CDH22: variants seen among roughly 807,000 people sequenced by gnomAD.
CDH22 encodes cadherin-22.
A neutral mutation model predicts 58.4 loss-of-function variants in CDH22; 30 were observed. The ratio of observed to expected loss-of-function variants is 0.51; its 90% confidence interval spans 0.38 to 0.70. CDH22 has a LOEUF of 0.70. CDH22 is among the 30% of genes least tolerant of loss of function. CDH22 has a pLI of 0.00. For missense variants in CDH22, 1,014 were observed against 1,233.9 expected, an observed-to-expected ratio of 0.82 and a Z score of 2.67; for synonymous variants, 513 against 558.2, an observed-to-expected ratio of 0.92 and a Z score of 1.14.
intron 4 of CDH22, 143 bp from the exon 5 acceptor site, chr20:46,217,136 C>A (rs1398014733): frequency 2.9e-6 from 2 of 699,148 alleles, no homozygotes; most frequent in African/African-American, 1.8e-5. Context: ...AGGACATCCA[C>A]GTGTCCACCA....
In CDH22 at chr20:46,213,265, AG is replaced by A. The variant is rs2086058167; in HGVS notation, c.839-78del. Reference sequence around the variant, plus strand: ...TCTGCCAGCAGTGGGGGAGGGGACAAGGGGGCCCAGGTGAGCCTCTATGGAG... The same window carrying A: ...TCTGCCAGCAGTGGGGGAGGGGACAAGGGGCCCAGGTGAGCCTCTATGGAG... On this transcript the variant is annotated intron_variant, in intron 5 of 11. Coordinates refer to ENST00000537909, the MANE Select transcript of CDH22 (RefSeq NM_021248.3). The A allele has an allele frequency of 9.6e-6, 10 of 1,040,624 alleles. No individual in the cohort carries two copies. The South Asian group carries it at 1.1e-4, about 11-fold the overall frequency. 64.5% of individuals were successfully genotyped at this position (1,040,624 alleles called of 1,614,324 possible).
At chr20:46,289,455 G>T (rs142019756) in intron 1 of CDH22, among the ~76,000 whole-genome samples, 2 of 152,162 alleles carry the variant, frequency 1.3e-5, no homozygotes, top group Non-Finnish European at 2.9e-5. Context: ...TTAGAACAGC[G>T]CATGGCACAT....
rs2086056847 is a variant in CDH22, at chr20:46,213,151, A to C, written c.876T>G (p.Ile292Met). 1 of 1,613,994 alleles carries C rather than the reference A, an allele frequency of 6.2e-7. No homozygotes were observed. Among genetic ancestry groups the C allele is most frequent in the African/African-American group, 1.3e-5 (1 of 74,886 alleles). Residue 292 changes from isoleucine (I) to methionine (M), a missense_variant, in exon 6 of 12, where the codon ATT (isoleucine) becomes ATG (methionine). Around this residue, in one of 2 missense-constraint regions of CDH22, gnomAD observed 806 missense variants for 1,038.7 expected, o/e 0.78. Coordinates refer to ENST00000537909, the MANE Select transcript of CDH22 (RefSeq NM_021248.3). ...CCTTCACACGTCCCACAGCCGTTCC[A>C]ATGGGGGCTGACTCCTGGATGCTGA... is the stretch of plus-strand genomic sequence containing the variant. ...YQFSIQESAP[I>M]GTAVGRVKAE...
In CDH22 at chr20:46,227,636, G is replaced by A. The variant is rs566964038; in HGVS notation, c.551-9C>T. On this transcript the variant is annotated splice_polypyrimidine_tract_variant and intron_variant, in intron 3 of 11. Coordinates refer to ENST00000537909, the MANE Select transcript of CDH22 (RefSeq NM_021248.3). Reference sequence around the variant, plus strand: ...CTGCATCACCGACGTGCCTGGGCCCGGGGGACCAAGCGAGACAGGGGTCAT... The same window carrying A: ...CTGCATCACCGACGTGCCTGGGCCCAGGGGACCAAGCGAGACAGGGGTCAT... 1.5e-5 allele frequency: 24 copies of A among 1,607,000 alleles called. No homozygotes were observed. The East Asian group carries it at 2.5e-4, about 17-fold the overall frequency.
At chr20:46,201,141 G>T (rs1338085142) in intron 7 of CDH22, among the ~76,000 whole-genome samples, 1 of 152,258 alleles carries the variant, frequency 6.6e-6, no homozygotes, top group Admixed American at 6.5e-5. Context: ...TGCTGATAAC[G>T]CTGGTGGGGG....
Position 46,241,097 on chromosome 20 carries a change from G to A in CDH22, c.416C>T (p.Ala139Val). 6.2e-7 allele frequency: 1 copy of A among 1,614,172 alleles called. No homozygotes were observed. Among genetic ancestry groups the A allele is most frequent in the East Asian group, 2.2e-5 (1 of 44,884 alleles). ...QKTFYTLRAQ[A>V]RDRATNRLLE... The stretch of plus-strand genomic sequence containing the variant: ...TAGGCGGTTGGTGGCGCGATCCCGA[G>A]CCTGGGCCCGCAGCGTGTAGAAGGT... The change falls in exon 3 of 12, where the codon GCT (alanine) becomes GTT (valine). Residue 139 changes from alanine to valine, a missense_variant. This residue lies in a region of CDH22 where 806 missense variants were observed against 1,038.7 expected (regional missense o/e 0.78). Coordinates refer to ENST00000537909, the MANE Select transcript of CDH22 (RefSeq NM_021248.3). This position sits in a 1 kb window ranked among gnomAD's most constrained non-coding sequence, Gnocchi z 5.2.
At position 46,181,752 on chromosome 20, in the gene CDH22, C is replaced by CTTCCTTCCTTCGTTCGTTCCTTCT; in HGVS notation, c.1664-3556_1664-3555insAGAAGGAACGAACGAAGGAAGGAA. Among the ~76,000 whole-genome samples the CTTCCTTCCTTCGTTCGTTCCTTCT allele has an allele frequency of 1.1e-3, 29 of 26,262 alleles. 1 individual carries two copies. Among genetic ancestry groups the CTTCCTTCCTTCGTTCGTTCCTTCT allele is most frequent in the Middle Eastern group, 0.028 (2 of 72 alleles). The allele number at this position is 26,262 out of a possible 152,430, so 17.2% of individuals were successfully genotyped here. A position where few individuals can be genotyped will look rare whatever the true frequency, so the allele number is the denominator to read the frequency against. ...CCTTCCTTCCTTCCTTCCTTCCTTC[C>CTTCCTTCCTTCGTTCGTTCCTTCT]TTCTTTCTTTCTTTCTTTCTTTCTT... is the stretch of plus-strand genomic sequence containing the variant. On this transcript the variant is annotated intron_variant, in intron 10 of 11. Coordinates refer to ENST00000537909, the MANE Select transcript of CDH22 (RefSeq NM_021248.3).
At chr20:46,226,248 T>TTCTTCTTCTTCTTCTTCC (rs2086171126) in intron 4 of CDH22, among the ~76,000 whole-genome samples, 1 of 10,590 alleles carries the variant, frequency 9.4e-5, no homozygotes, top group Non-Finnish European at 1.9e-4. Flanking sequence ...CTTCTTCTTC[T>TTCTTCTTCTTCTTCTTCC]TCTTCTTCTT....
At chr20:46,193,028 G>A (rs1010153509) in intron 8 of CDH22, among the ~76,000 whole-genome samples, 1 of 152,020 alleles carries the variant, frequency 6.6e-6, no homozygotes, top group African/African-American at 2.4e-5. Flanking sequence ...TTATTGGGGG[G>A]ACGTTTATTC....
intron 1 of CDH22, among the ~76,000 whole-genome samples, chr20:46,266,122 T>A (rs1174911297): frequency 6.6e-6 from 1 of 152,180 alleles, no homozygotes; most frequent in Non-Finnish European, 1.5e-5. Flanking sequence ...AAAGTTTATC[T>A]GTTTTAGAGG....
chr20:46,240,832 A>G, intron 3 of CDH22, 131 bp downstream of exon 3: 3 of 820,964 alleles, frequency 3.7e-6, no homozygotes, highest in Non-Finnish European at 5.7e-6. Flanking sequence ...TCACATCTGT[A>G]CCCTGTACCC....
chr20:46,276,424 G>T (rs567272103), intron 1 of CDH22, among the ~76,000 whole-genome samples: 1 of 152,342 alleles, frequency 6.6e-6, no homozygotes, highest in East Asian at 1.9e-4. Context: ...CCGGCTGGGA[G>T]AATTGACAGT....
intron 2 of CDH22, among the ~76,000 whole-genome samples, chr20:46,245,043 A>G (rs997615884): frequency 1.3e-5 from 2 of 152,130 alleles, no homozygotes; most frequent in Non-Finnish European, 2.9e-5. Flanking sequence ...TTCACCACAT[A>G]TATTCTGAAG....
In CDH22 at chr20:46,174,669, A is replaced by G; in HGVS notation, c.2324T>C (p.Phe775Ser). The G allele has an allele frequency of 6.4e-7, 1 of 1,559,564 alleles. No homozygotes were observed. The highest frequency in any genetic ancestry group is 1.2e-5 in the South Asian group (1 of 85,352). ...PPYDAFQTYA[F>S]EGADSPAASL... The stretch of plus-strand genomic sequence containing the variant: ...GGCGGCCGGCGAGTCCGCGCCCTCG[A>G]AGGCGTAGGTCTGGAAGGCGTCGTA... The change falls in exon 12 of 12, where the codon TTC becomes TCC. Residue 775 changes from phenylalanine (F) to serine (S), a missense_variant. Coordinates refer to ENST00000537909, the MANE Select transcript of CDH22 (RefSeq NM_021248.3). The surrounding 1 kb of genome is among the most constrained non-coding windows in gnomAD (Gnocchi z 4.4).
intron 3 of CDH22, among the ~76,000 whole-genome samples, chr20:46,229,305 T>G (rs1290259605): frequency 7.2e-6 from 1 of 138,702 alleles, no homozygotes. Flanking sequence ...CCCCCCAATT[T>G]TACAGCTGAG....
intron 4 of CDH22, among the ~76,000 whole-genome samples, chr20:46,224,544 G>A (rs957507721): frequency 2.0e-5 from 3 of 152,102 alleles, no homozygotes; most frequent in African/African-American, 4.8e-5. Flanking sequence ...CCCTGTTTTC[G>A]CTCATCTTAA....
At chr20:46,217,934 C>CT (rs59986864) in intron 4 of CDH22, among the ~76,000 whole-genome samples, 9,320 of 148,680 alleles carry the variant, frequency 0.063, 595 homozygotes, top group African/African-American at 0.17. Context: ...TCTTTTCTTT[C>CT]TTTTTTTTTT....
intron 1 of CDH22, among the ~76,000 whole-genome samples, chr20:46,252,722 C>T (rs73908659): frequency 0.033 from 5,009 of 152,280 alleles, 263 homozygotes; most frequent in African/African-American, 0.11. Flanking sequence ...TGGCCAGTTG[C>T]CAGGGGCAAG....
rs2086088038 is a variant in CDH22, at chr20:46,216,774, G to A, written c.838+52C>T. On this transcript the variant is annotated intron_variant, in intron 5 of 11. Transcript: ENST00000537909. The surrounding 1 kb of genome is among the most constrained non-coding windows in gnomAD (Gnocchi z 5.3). ...CTGGGGTCAGCAGGTGGCTTGGATGGGGTAACAGACAGACACACAGACGCG... is the reference window on the plus strand; with the variant it reads ...CTGGGGTCAGCAGGTGGCTTGGATGAGGTAACAGACAGACACACAGACGCG... 6.5e-7 allele frequency: 1 copy of A among 1,538,178 alleles called. No homozygotes were observed. Among genetic ancestry groups the A allele is most frequent in the Admixed American group, 1.7e-5 (1 of 58,728 alleles).
Sources: allele counts gnomAD v4.1 joint callset (sites outside exome capture counted in the v4.1 genomes callset), GRCh38; gene constraint gnomAD v4.1.1; regional missense constraint gnomAD v4.1.1; non-coding constraint Gnocchi (gnomAD v3.1); transcripts MANE v1.5; gene names NCBI Gene and HGNC (gene_info 2026-07-23, HGNC 2026-07-21).